GRM7: variants seen among roughly 807,000 people sequenced by gnomAD.
The protein encoded by GRM7 is metabotropic glutamate receptor 7.
In GRM7, 35 loss-of-function variants were observed where a neutral mutation model predicts 84.5. The observed-to-expected ratio is 0.41, with a 90% CI of 0.32 to 0.55. The LOEUF is 0.55. Among genes scored for constraint, GRM7 ranks in the 20% least tolerant of loss-of-function variants. The probability of loss-of-function intolerance (pLI) is 0.19; values close to 1 mark genes in which losing one functional copy is unlikely to be tolerated. For missense variants in GRM7, 1,003 were observed against 1,194.6 expected, an observed-to-expected ratio of 0.84 and a Z score of 2.36; for synonymous variants, 487 against 455.1, an observed-to-expected ratio of 1.07 and a Z score of -0.89.
At chr3:7,356,040 G>T (rs1262174829) in intron 4 of GRM7, among the ~76,000 whole-genome samples, 1 of 152,116 alleles carries the variant, frequency 6.6e-6, no homozygotes, top group Non-Finnish European at 1.5e-5. Flanking sequence ...CCCATAGGCA[G>T]AACTTCAGCC....
intron 2 of GRM7, among the ~76,000 whole-genome samples, chr3:7,183,725 C>T (rs914234768): frequency 2.0e-4 from 31 of 152,078 alleles, no homozygotes; most frequent in African/African-American, 7.5e-4. Context: ...AGTAAATATT[C>T]ACTTATATTT....
At chr3:7,314,701 C>G (rs1170127172) in intron 4 of GRM7, among the ~76,000 whole-genome samples, 3 of 151,938 alleles carry the variant, frequency 2.0e-5, no homozygotes, top group African/African-American at 7.3e-5. Context: ...TCCTGTAGCT[C>G]TTTGAGATAT....
intron 2 of GRM7, among the ~76,000 whole-genome samples, chr3:7,185,109 G>A (rs2125100556): frequency 6.6e-6 from 1 of 152,226 alleles, no homozygotes; most frequent in South Asian, 2.1e-4. Context: ...TTTAGTAAGT[G>A]CAAAAGCCAG....
intron 1 of GRM7, among the ~76,000 whole-genome samples, chr3:7,062,294 C>G (rs555663864): frequency 6.6e-6 from 1 of 151,654 alleles, no homozygotes; most frequent in Non-Finnish European, 1.5e-5. Flanking sequence ...GATTTTGTAT[C>G]TGTTCAAAGA....
At chr3:7,072,377 G>A (rs925046257) in intron 1 of GRM7, among the ~76,000 whole-genome samples, 1 of 152,208 alleles carries the variant, frequency 6.6e-6, no homozygotes, top group Middle Eastern at 3.4e-3. Context: ...TGTTGTATAT[G>A]TCATATCTAA....
At chr3:7,428,155 G>T (rs1424735201) in intron 5 of GRM7, among the ~76,000 whole-genome samples, 2 of 152,132 alleles carry the variant, frequency 1.3e-5, no homozygotes, top group African/African-American at 4.8e-5. Context: ...TCTAAAAGGA[G>T]CTCATTACTC....
intron 6 of GRM7, among the ~76,000 whole-genome samples, chr3:7,455,587 C>T (rs1293293803): frequency 5.9e-5 from 9 of 151,570 alleles, no homozygotes; most frequent in Admixed American, 5.9e-4. Context: ...TTTAAGGAAA[C>T]ATCAAACAAA....
chr3:6,954,053 CA>C (rs955646500), intron 1 of GRM7, among the ~76,000 whole-genome samples: 12 of 146,230 alleles, frequency 8.2e-5, no homozygotes, highest in South Asian at 2.2e-4. Flanking sequence ...TTTTCTTCAA[CA>C]AAAAAAATTG....
At chr3:7,150,461 G>A (rs1012290473) in intron 2 of GRM7, among the ~76,000 whole-genome samples, 2 of 152,118 alleles carry the variant, frequency 1.3e-5, no homozygotes, top group Non-Finnish European at 2.9e-5. Context: ...AAACATGGAA[G>A]TCTAAGCACA....
At chr3:7,479,123 G>C (rs1699035754) in intron 7 of GRM7, among the ~76,000 whole-genome samples, 1 of 152,032 alleles carries the variant, frequency 6.6e-6, no homozygotes, top group Admixed American at 6.6e-5. Flanking sequence ...GCAAGAATTT[G>C]GCAGATGATC....
At chr3:7,473,848 C>T (rs1293695589) in intron 7 of GRM7, among the ~76,000 whole-genome samples, 2 of 152,094 alleles carry the variant, frequency 1.3e-5, no homozygotes, top group Admixed American at 1.3e-4. Context: ...ATTTTCAGGA[C>T]CAACAACAAA....
chr3:7,333,984 A>T (rs994058749), intron 4 of GRM7, among the ~76,000 whole-genome samples: 9 of 152,108 alleles, frequency 5.9e-5, no homozygotes, highest in African/African-American at 2.2e-4. Context: ...GACCAAACAT[A>T]AGAATAATTG....
At chr3:7,252,542 T>C (rs769517569) in intron 2 of GRM7, among the ~76,000 whole-genome samples, 25 of 152,304 alleles carry the variant, frequency 1.6e-4, no homozygotes, top group Non-Finnish European at 3.5e-4. Context: ...AGGGATTGTT[T>C]GATCAGACAG....
intron 1 of GRM7, among the ~76,000 whole-genome samples, chr3:6,978,831 G>A (rs562247470): frequency 6.6e-6 from 1 of 152,246 alleles, no homozygotes; most frequent in South Asian, 2.1e-4. Context: ...CTTCCAAGTC[G>A]AGAAGGCAGA....
chr3:7,303,717 A>G (rs1030528210), intron 3 of GRM7, among the ~76,000 whole-genome samples: 3 of 151,902 alleles, frequency 2.0e-5, no homozygotes, highest in African/African-American at 7.3e-5. Context: ...TTTTCTCCAT[A>G]TGTTCATATA....
At chr3:6,973,949 G>A (rs892565519) in intron 1 of GRM7, among the ~76,000 whole-genome samples, 1 of 152,138 alleles carries the variant, frequency 6.6e-6, no homozygotes, top group African/African-American at 2.4e-5. Context: ...AGAATTGATT[G>A]TATGAGAGGG....
At chr3:7,177,542 G>C (rs1695194550) in intron 2 of GRM7, among the ~76,000 whole-genome samples, 1 of 136,640 alleles carries the variant, frequency 7.3e-6, no homozygotes, top group East Asian at 2.1e-4. Flanking sequence ...GGGAGGAAGG[G>C]AGGGAGGGAG....
At chr3:7,255,100 A>T (rs1457173242) in intron 2 of GRM7, among the ~76,000 whole-genome samples, 1 of 152,186 alleles carries the variant, frequency 6.6e-6, no homozygotes, top group African/African-American at 2.4e-5. Flanking sequence ...TTTGTTCTTT[A>T]TACAGGATCT....
intron 4 of GRM7, among the ~76,000 whole-genome samples, chr3:7,388,171 A>G (rs1171827512): frequency 1.3e-5 from 2 of 152,248 alleles, no homozygotes; most frequent in South Asian, 2.1e-4. Flanking sequence ...GTCATTTATC[A>G]GGTCTAAGAG....
Sources: allele counts gnomAD v4.1 joint callset (sites outside exome capture counted in the v4.1 genomes callset), GRCh38; gene constraint gnomAD v4.1.1; transcripts MANE v1.5; gene names NCBI Gene and HGNC (gene_info 2026-07-23, HGNC 2026-07-21).